Variants in PLEKHM2 observed in about 807,000 individuals in gnomAD.
PLEKHM2 encodes the protein pleckstrin homology and RUN domain containing M2, also known as pleckstrin homology domain-containing family M member 2.
PLEKHM2 carries 77 observed loss-of-function variants against 116.3 expected under a neutral mutation model. The observed-to-expected ratio is 0.66, with a 90% CI of 0.55 to 0.80. The LOEUF is 0.80. Ranked by LOEUF, PLEKHM2 falls within the 30% of genes least tolerant of loss-of-function variation. The probability of loss-of-function intolerance (pLI) is 0.00; values close to 1 mark genes in which losing one functional copy is unlikely to be tolerated. For synonymous variants in PLEKHM2, 562 were observed against 571.0 expected, an observed-to-expected ratio of 0.98 and a Z score of 0.22; for missense variants, 1,183 against 1,354.9, an observed-to-expected ratio of 0.87 and a Z score of 1.99.
chr1:15,726,842 GC>G (rs1440781286), intron 8 of PLEKHM2, among the ~76,000 whole-genome samples, 171 bp from the exon 9 acceptor site: 3 of 151,978 alleles, frequency 2.0e-5, no homozygotes, highest in African/African-American at 7.3e-5. Context: ...CGGGGCCTGA[GC>G]CACTGTTGTC....
At chr1:15,731,808 A>G in intron 16 of PLEKHM2, 81 bp from the exon 17 acceptor site, 2 of 1,256,406 alleles carry the variant, frequency 1.6e-6, no homozygotes, top group South Asian at 1.4e-5. Context: ...TGTGCCGCAC[A>G]CCCCGCACCA....
chr1:15,713,974 C>T (rs1557651821), intron 1 of PLEKHM2, among the ~76,000 whole-genome samples: 1 of 147,716 alleles, frequency 6.8e-6, no homozygotes. Context: ...CAGAGTCTCA[C>T]TCTGCTGCCC....
chr1:15,720,149 T>TATATATATAA (rs766169429), intron 6 of PLEKHM2, among the ~76,000 whole-genome samples: 7 of 118,678 alleles, frequency 5.9e-5, no homozygotes, highest in African/African-American at 2.5e-4. Flanking sequence ...TATATATATA[T>TATATATATAA]AAAATATATA....
chr1:15,720,496 G>A (rs2067981711), intron 6 of PLEKHM2: 2 of 984,832 alleles, frequency 2.0e-6, no homozygotes, highest in Middle Eastern at 5.2e-4. Flanking sequence ...AGGTCATTTT[G>A]TTGTCTTGAC....
chr1:15,697,752 T>C (rs1245889337), intron 1 of PLEKHM2, among the ~76,000 whole-genome samples: 2 of 152,066 alleles, frequency 1.3e-5, no homozygotes, highest in Non-Finnish European at 2.9e-5. Flanking sequence ...AGCCTCTGCC[T>C]ACCAAGTAGC....
At chr1:15,718,485 C>A in intron 4 of PLEKHM2, 53 bp from the exon 5 acceptor site, 1 of 1,081,432 alleles carries the variant, frequency 9.2e-7, no homozygotes. Flanking sequence ...TAAGGTTAGG[C>A]CAGGCTGGTA....
At chr1:15,712,586 T>C (rs1358130454) in intron 1 of PLEKHM2, among the ~76,000 whole-genome samples, 1 of 152,086 alleles carries the variant, frequency 6.6e-6, no homozygotes, top group Non-Finnish European at 1.5e-5. Flanking sequence ...TATGGAAATA[T>C]ACATGGATAT....
At position 15,717,906 on chromosome 1, in the gene PLEKHM2, G is replaced by A. The variant is rs16851970; in HGVS notation, c.291G>A (p.Leu97=). 0.19 allele frequency: 302,281 copies of A among 1,590,258 alleles called. 30,653 individuals are homozygous for A. Among genetic ancestry groups the A allele is most frequent in the African/African-American group, 0.33 (24,813 of 74,450 alleles). Residue 97 remains leucine, a synonymous_variant, in exon 4 of 20, where the codon CTG becomes CTA. Coordinates refer to ENST00000375799, the MANE Select transcript of PLEKHM2 (RefSeq NM_015164.4). ...CTTTGTTTGCAGGCCGTGCCTGGCTGTACCTGGCCCTCAACGAGAACTCCT... is the reference window on the plus strand; with the variant it reads ...CTTTGTTTGCAGGCCGTGCCTGGCTATACCTGGCCCTCAACGAGAACTCCT... ...ATNLGRSRAW[L]YLALNENSLE...
intron 1 of PLEKHM2, among the ~76,000 whole-genome samples, chr1:15,687,832 T>G (rs1404474474): frequency 6.6e-6 from 1 of 152,230 alleles, no homozygotes; most frequent in Non-Finnish European, 1.5e-5. Flanking sequence ...CCTTGAGAGT[T>G]GCTTTGCCTT....
chr1:15,694,572 A>G (rs975003972), intron 1 of PLEKHM2, among the ~76,000 whole-genome samples: 2 of 151,958 alleles, frequency 1.3e-5, no homozygotes, highest in African/African-American at 4.8e-5. Context: ...TAGAACTTCC[A>G]TTTGAGGCAG....
chr1:15,716,832 G>A lies in PLEKHM2; in HGVS notation c.277+16G>A, dbSNP rs1450149663. 4 of 1,553,674 alleles carry A rather than the reference G, an allele frequency of 2.6e-6. No homozygotes were observed. Among genetic ancestry groups the A allele is most frequent in the Non-Finnish European group, 3.5e-6 (4 of 1,148,374 alleles). On this transcript the variant is annotated intron_variant, in intron 3 of 19. Coordinates refer to ENST00000375799, the MANE Select transcript of PLEKHM2 (RefSeq NM_015164.4). ...CTGGGGCGCAGTGAGTAGTCACAAGGAGACGCTGGGGAAGGGACCAGCTCC... is the reference window on the plus strand; with the variant it reads ...CTGGGGCGCAGTGAGTAGTCACAAGAAGACGCTGGGGAAGGGACCAGCTCC...
rs1379813227 is a variant in PLEKHM2 at position 15,727,037 on chromosome 1, G to T, written c.965G>T (p.Gly322Val). 2 of 1,479,204 alleles carry T rather than the reference G, an allele frequency of 1.4e-6. No individual in the cohort carries two copies. The highest frequency in any genetic ancestry group is 5.2e-5 in the Admixed American group (2 of 38,782). 91.6% of individuals were successfully genotyped at this position (1,479,204 alleles called of 1,614,324 possible). A position where few individuals can be genotyped will look rare whatever the true frequency, so the allele number is the denominator to read the frequency against. ...AGGGTCACCAAGAAGAAGAAAATTG[G>T]CAAGAAGAAAAAGAGCAGATCAGAT... Reference protein sequence around the residue: ...VIRVTKKKKIGKKKKSRSDEE... With the variant: ...VIRVTKKKKIVKKKKSRSDEE... Residue 322 changes from glycine to valine, a missense_variant, in exon 9 of 20, where the codon GGC becomes GTC. Around this residue, in one of 3 missense-constraint regions of PLEKHM2, gnomAD observed 372 missense variants for 357.2 expected, o/e 1.04. Transcript: ENST00000375799. This position sits in a 1 kb window ranked among gnomAD's most constrained non-coding sequence, Gnocchi z 7.5.
chr1:15,704,741 G>C (rs1289386903), intron 1 of PLEKHM2, among the ~76,000 whole-genome samples: 1 of 152,132 alleles, frequency 6.6e-6, no homozygotes, highest in African/African-American at 2.4e-5. Flanking sequence ...CATGGTCCCA[G>C]CACCTCCCTT....
intron 1 of PLEKHM2, among the ~76,000 whole-genome samples, chr1:15,694,415 CTGCCA>C (rs1487532788): frequency 6.6e-6 from 1 of 152,018 alleles, no homozygotes; most frequent in African/African-American, 2.4e-5. Context: ...GATCTGGGAA[CTGCCA>C]TGCAATAGAG....
At chr1:15,695,388 G>C (rs544565604) in intron 1 of PLEKHM2, among the ~76,000 whole-genome samples, 19 of 152,298 alleles carry the variant, frequency 1.2e-4, no homozygotes, top group Non-Finnish European at 2.8e-4. Context: ...AGAGGAAGGG[G>C]AGTAATAAAA....
rs992076099 is a variant in PLEKHM2, at chr1:15,718,325, A to G, written c.378-213A>G. On this transcript the variant is annotated intron_variant, in intron 4 of 19. Coordinates refer to ENST00000375799, the MANE Select transcript of PLEKHM2 (RefSeq NM_015164.4). The stretch of plus-strand genomic sequence containing the variant: ...AGCCTGACAAGCCTTGTGCTCGTCC[A>G]TCTCTGAAGACACTGGCAGGACAGT... 5.3e-5 allele frequency among the ~76,000 whole-genome samples: 8 copies of G among 152,256 alleles called. No individual in the cohort carries two copies. The East Asian group carries it at 1.2e-3, about 22-fold the overall frequency.
intron 7 of PLEKHM2, among the ~76,000 whole-genome samples, chr1:15,724,461 G>A (rs558591964): frequency 2.6e-4 from 39 of 150,642 alleles, no homozygotes; most frequent in African/African-American, 9.0e-4. Context: ...TCAGCCTGGC[G>A]ACAGAGAGAG....
intron 7 of PLEKHM2, among the ~76,000 whole-genome samples, chr1:15,724,482 A>C (rs1042918348): frequency 1.4e-5 from 2 of 140,604 alleles, no homozygotes; most frequent in Non-Finnish European, 3.1e-5. Context: ...ACTCCGTCTC[A>C]AAAAAAAAAA....
chr1:15,716,364 A>C (rs1274618712), intron 2 of PLEKHM2, 21 bp downstream of exon 2: 1 of 1,481,308 alleles, frequency 6.8e-7, no homozygotes, highest in Non-Finnish European at 9.3e-7. Flanking sequence ...GGAAGTTTCC[A>C]AAGATGACGG....
Sources: gnomAD v4.1 joint callset for allele counts (sites outside exome capture counted in the v4.1 genomes callset) on GRCh38, gnomAD v4.1.1 for gene constraint, gnomAD v4.1.1 regional missense constraint, Gnocchi (gnomAD v3.1) non-coding constraint, MANE v1.5 for transcripts, NCBI Gene and HGNC (gene_info 2026-07-23, HGNC 2026-07-21) for gene names.